Variants in LPP observed in about 807,000 individuals in gnomAD.
LPP encodes the protein lipoma-preferred partner.
A neutral mutation model predicts 60.4 loss-of-function variants in LPP; 38 were observed. That is an observed-to-expected ratio of 0.63 (90% CI 0.49 to 0.83). The LOEUF (loss-of-function observed/expected upper bound fraction) is 0.83. Ranked by LOEUF, LPP falls within the 40% of genes least tolerant of loss-of-function variation. LPP has a pLI of 0.00. For synonymous variants in LPP, 328 were observed against 290.8 expected (o/e 1.13, Z -1.30); for missense variants, 902 against 783.6 (o/e 1.15, Z -1.80).
At chr3:188,161,568 A>G (rs1020582627) in intron 1 of LPP, among the ~76,000 whole-genome samples, 1 of 152,200 alleles carries the variant, frequency 6.6e-6, no homozygotes, top group Non-Finnish European at 1.5e-5. Context: ...CTTGTTATAC[A>G]GATGAGGAAA....
At chr3:188,426,971 T>A (rs1258887450) in intron 4 of LPP, among the ~76,000 whole-genome samples, 1 of 152,214 alleles carries the variant, frequency 6.6e-6, no homozygotes, top group African/African-American at 2.4e-5. Context: ...AATATTGTTA[T>A]GTGTGAATTT....
intron 6 of LPP, among the ~76,000 whole-genome samples, chr3:188,528,998 G>A (rs759936628): frequency 2.6e-5 from 4 of 152,188 alleles, no homozygotes; most frequent in East Asian, 1.9e-4. Context: ...ATACACTTTC[G>A]ATGTGCCTGT....
At chr3:188,329,552 T>G (rs971858406) in intron 2 of LPP, among the ~76,000 whole-genome samples, 29 of 151,848 alleles carry the variant, frequency 1.9e-4, no homozygotes, top group African/African-American at 6.5e-4. Flanking sequence ...TTGAAACTTC[T>G]GGATTTTGGA....
At chr3:188,815,965 A>G (rs572929011) in intron 9 of LPP, among the ~76,000 whole-genome samples, 49 of 152,206 alleles carry the variant, frequency 3.2e-4, no homozygotes, top group Non-Finnish European at 6.2e-4. Flanking sequence ...AGGATCCGAA[A>G]GTAAATTTCA....
chr3:188,794,034 C>T (rs1208615953), intron 9 of LPP, among the ~76,000 whole-genome samples: 1 of 152,026 alleles, frequency 6.6e-6, no homozygotes, highest in Non-Finnish European at 1.5e-5. Context: ...ATGAATTCAG[C>T]CTGATTTTAG....
intron 1 of LPP, among the ~76,000 whole-genome samples, chr3:188,214,858 A>G (rs927296488): frequency 1.3e-5 from 2 of 152,226 alleles, no homozygotes; most frequent in Admixed American, 6.5e-5. Context: ...GCTGACAAGC[A>G]TTGGTTGCTT....
At chr3:188,211,054 T>G (rs964003392) in intron 1 of LPP, among the ~76,000 whole-genome samples, 1 of 152,240 alleles carries the variant, frequency 6.6e-6, no homozygotes, top group Non-Finnish European at 1.5e-5. Context: ...GCTTACGGCA[T>G]GCTTGTTAAG....
intron 2 of LPP, among the ~76,000 whole-genome samples, chr3:188,306,247 ATT>A (rs66669354): frequency 2.7e-5 from 4 of 145,588 alleles, no homozygotes; most frequent in Admixed American, 1.4e-4. Flanking sequence ...TGTCCAGCTA[ATT>A]TTTTTTTTTT....
At chr3:188,331,490 C>G (rs563688291) in intron 2 of LPP, among the ~76,000 whole-genome samples, 1 of 152,156 alleles carries the variant, frequency 6.6e-6, no homozygotes, top group African/African-American at 2.4e-5. Flanking sequence ...ATTTTAATCC[C>G]CATATTTCTA....
intron 3 of LPP, among the ~76,000 whole-genome samples, chr3:188,363,469 TA>T (rs1202437323): frequency 6.6e-6 from 1 of 152,232 alleles, no homozygotes; most frequent in Non-Finnish European, 1.5e-5. Flanking sequence ...TCTTTCCCTC[TA>T]AAACTGTAGG....
intron 8 of LPP, among the ~76,000 whole-genome samples, chr3:188,739,541 G>A (rs1053069074): frequency 6.6e-6 from 1 of 152,058 alleles, no homozygotes; most frequent in African/African-American, 2.4e-5. Flanking sequence ...ATAATGAAGG[G>A]CTTTTAATTT....
At chr3:188,713,055 C>A (rs1349260542) in intron 8 of LPP, among the ~76,000 whole-genome samples, 1 of 152,006 alleles carries the variant, frequency 6.6e-6, no homozygotes, top group African/African-American at 2.4e-5. Flanking sequence ...GACTTAAGTA[C>A]AAAGGAGAAA....
At chr3:188,184,788 G>C (rs1726093517) in intron 1 of LPP, among the ~76,000 whole-genome samples, 1 of 151,366 alleles carries the variant, frequency 6.6e-6, no homozygotes, top group East Asian at 1.9e-4. Flanking sequence ...AGCAAGCTGA[G>C]CCCACCTCTG....
At chr3:188,801,713 G>A (rs2151167999) in intron 9 of LPP, among the ~76,000 whole-genome samples, 1 of 152,276 alleles carries the variant, frequency 6.6e-6, no homozygotes, top group Non-Finnish European at 1.5e-5. Flanking sequence ...TTCTTTGCTG[G>A]TGACCTTGGG....
At chr3:188,456,911 C>T (rs975463341) in intron 4 of LPP, among the ~76,000 whole-genome samples, 3 of 152,142 alleles carry the variant, frequency 2.0e-5, no homozygotes, top group African/African-American at 4.8e-5. Context: ...TAAGAGGTAA[C>T]TAGCCAGAGC....
chr3:188,579,727 AG>A (rs920452582), intron 6 of LPP, among the ~76,000 whole-genome samples: 1 of 151,170 alleles, frequency 6.6e-6, no homozygotes, highest in African/African-American at 2.4e-5. Context: ...TGGGATGCTG[AG>A]GCGGTATGAT....
chr3:188,376,322 A>G (rs1775073324), intron 3 of LPP, among the ~76,000 whole-genome samples: 1 of 151,778 alleles, frequency 6.6e-6, no homozygotes, highest in Non-Finnish European at 1.5e-5. Context: ...GTCTCCCATT[A>G]TTATTGTGTG....
chr3:188,701,944 C>CTTTTTTTTT (rs35803152), intron 7 of LPP, among the ~76,000 whole-genome samples: 98 of 83,578 alleles, frequency 1.2e-3, no homozygotes, highest in Non-Finnish European at 1.7e-3. Context: ...GTTTTTTTCC[C>CTTTTTTTTT]TTTTTTTTTT....
chr3:188,768,988 C>A (rs1429053621), intron 9 of LPP, among the ~76,000 whole-genome samples: 1 of 151,884 alleles, frequency 6.6e-6, no homozygotes, highest in Non-Finnish European at 1.5e-5. Flanking sequence ...TTCTAGAGAA[C>A]CTGAAAAATT....
Sources: gnomAD v4.1 joint callset for allele counts (sites outside exome capture counted in the v4.1 genomes callset) on GRCh38, gnomAD v4.1.1 for gene constraint, MANE v1.5 for transcripts, NCBI Gene and HGNC (gene_info 2026-07-23, HGNC 2026-07-21) for gene names.